KLF16: variants seen among roughly 807,000 people sequenced by gnomAD.
The protein encoded by KLF16 is KLF transcription factor 16, also known as Krueppel-like factor 16.
KLF16 carries 6 observed loss-of-function variants against 6.1 expected under a neutral mutation model. The observed-to-expected ratio is 0.98, with a 90% confidence interval of 0.54 to 1.93. KLF16 has a LOEUF of 1.93. Ranked by LOEUF, KLF16 falls within the 30% of genes most tolerant of loss-of-function variation. The probability of loss-of-function intolerance (pLI) is 0.01; values close to 1 mark genes in which losing one functional copy is unlikely to be tolerated. For synonymous variants in KLF16, 211 were observed against 176.5 expected (o/e 1.20, Z -1.55); for missense variants, 355 against 363.8 (o/e 0.98, Z 0.20).
At chr19:1,868,074 C>A (rs781535541), upstream of KLF16, among the ~76,000 whole-genome samples, 1 of 151,754 alleles carries the variant, frequency 6.6e-6, no homozygotes, top group African/African-American at 2.4e-5. Flanking sequence ...TTTTTTTTTA[C>A]CATGTGTATT....
chr19:1,862,666 A>C lies in KLF16; in HGVS notation c.457+375T>G, dbSNP rs2012090627. 2.4e-5 allele frequency: 5 copies of C among 204,728 alleles called. No homozygotes were observed. The South Asian group carries it at 8.6e-4, about 35-fold the overall frequency. 12.7% of individuals were successfully genotyped at this position (204,728 alleles called of 1,614,324 possible). On this transcript the variant is annotated intron_variant, in intron 1 of 1. Transcript: ENST00000250916. Reference sequence around the variant, plus strand: ...GGGGAGGGGGAGAACCCAGAACCCCAGAGCCGGATGCTCCAACCACGGTGC... The same window carrying C: ...GGGGAGGGGGAGAACCCAGAACCCCCGAGCCGGATGCTCCAACCACGGTGC...
chr19:1,864,053 C>T (rs1300651072), upstream of KLF16, among the ~76,000 whole-genome samples: 1 of 149,414 alleles, frequency 6.7e-6, no homozygotes, highest in Non-Finnish European at 1.5e-5. Flanking sequence ...GCGCGCCCCG[C>T]CCCATCCCGG....
In KLF16 at chr19:1,853,403, GAGA is replaced by G. The variant is rs1253689087; in HGVS notation, c.*1053_*1055del. 3 of 152,500 alleles carry G rather than the reference GAGA, an allele frequency of 2.0e-5. No individual in the cohort carries two copies. Among genetic ancestry groups the G allele is most frequent in the African/African-American group, 2.4e-5 (1 of 41,444 alleles). 9.4% of individuals were successfully genotyped at this position (152,500 alleles called of 1,614,324 possible). A position where few individuals can be genotyped will look rare whatever the true frequency, so the allele number is the denominator to read the frequency against. ...GGACCCACCTCTTCCAAGCACCCAG[GAGA>G]AGGAGGGGAGGCCAGGGAAGCAGGG... is the stretch of plus-strand genomic sequence containing the variant. On this transcript the variant is annotated 3_prime_UTR_variant, in exon 2 of 2. Transcript: ENST00000250916.
At chr19:1,868,072 T>C (rs2012216411), upstream of KLF16, among the ~76,000 whole-genome samples, 1 of 152,192 alleles carries the variant, frequency 6.6e-6, no homozygotes, top group Non-Finnish European at 1.5e-5. Flanking sequence ...CATTTTTTTT[T>C]ACCATGTGTA....
chr19:1,856,326 C>T (rs914893828), intron 1 of KLF16, among the ~76,000 whole-genome samples: 8 of 152,164 alleles, frequency 5.3e-5, no homozygotes, highest in Admixed American at 2.6e-4. Context: ...AGCGATCACC[C>T]GTGACCCAAG....
Position 1,863,124 on chromosome 19 carries a change from T to G in KLF16, c.374A>C (p.Lys125Thr). The G allele has an allele frequency of 7.4e-7, 1 of 1,346,506 alleles. No individual in the cohort carries two copies. The highest frequency in any genetic ancestry group is 9.7e-7 in the Non-Finnish European group (1 of 1,030,352). The allele number at this position is 1,346,506 out of a possible 1,614,324, so 83.4% of individuals were successfully genotyped here. A position where few individuals can be genotyped will look rare whatever the true frequency, so the allele number is the denominator to read the frequency against. ...GTCCGGGAAGGGACAGCGGTGGCTC[T>G]TGGCGGCGGCGGAGGGCGCGGCGCC... ...APGAAPSAAA[K>T]SHRCPFPDCA... Residue 125 changes from lysine (K) to threonine (T), a missense_variant, in exon 1 of 2, where the codon AAG (lysine) becomes ACG (threonine). Lys to Thr is a moderately conservative substitution (Grantham distance 78). Transcript: ENST00000250916.
intron 1 of KLF16, chr19:1,860,449 G>C (rs1484408429): frequency 6.6e-6 from 1 of 152,332 alleles, no homozygotes; most frequent in Non-Finnish European, 1.5e-5. Context: ...TCACAGGTGG[G>C]GCTCCTCCAG....
chr19:1,856,735 G>A (rs904911972), intron 1 of KLF16, among the ~76,000 whole-genome samples: 1 of 152,230 alleles, frequency 6.6e-6, no homozygotes, highest in African/African-American at 2.4e-5. Flanking sequence ...AGCGCGGCTG[G>A]AGCAGACCAC....
Position 1,852,714 on chromosome 19 carries a change from T to G in KLF16, c.*1745A>C, listed in dbSNP as rs2011860066. ...CTCACAAAGGAAAACGGGGCCCCAG[T>G]CCCCCACCCACCCCCACAGACTAAG... On this transcript the variant is annotated 3_prime_UTR_variant, in exon 2 of 2. Coordinates refer to ENST00000250916, the MANE Select transcript of KLF16 (RefSeq NM_031918.4). 1 of 150,054 alleles carries G rather than the reference T, an allele frequency of 6.7e-6. No individual in the cohort carries two copies. Among genetic ancestry groups the G allele is most frequent in the African/African-American group, 2.5e-5 (1 of 40,384 alleles). The allele number at this position is 150,054 out of a possible 1,614,324, so 9.3% of individuals were successfully genotyped here.
chr19:1,863,745 C>G (rs1471408105), upstream of KLF16, among the ~76,000 whole-genome samples: 1 of 142,660 alleles, frequency 7.0e-6, no homozygotes, highest in Non-Finnish European at 1.6e-5. Context: ...CGCAGCCACG[C>G]CCCCCGCCCG....
chr19:1,866,432 G>T (rs529288926), upstream of KLF16, among the ~76,000 whole-genome samples: 2 of 151,516 alleles, frequency 1.3e-5, no homozygotes, highest in African/African-American at 2.4e-5. Context: ...CCAATATGAA[G>T]AAACCCCGTC....
chr19:1,852,943 C>G lies in KLF16; in HGVS notation c.*1516G>C, dbSNP rs2011864989. On this transcript the variant is annotated 3_prime_UTR_variant, in exon 2 of 2. Transcript: ENST00000250916. Reference sequence around the variant, plus strand: ...GTGCACACCAGTGCCATCCAAAGCCCCCCTGTCCCCAAGCGAGAGGCAGGA... The same window carrying G: ...GTGCACACCAGTGCCATCCAAAGCCGCCCTGTCCCCAAGCGAGAGGCAGGA... 1 of 152,198 alleles carries G rather than the reference C, an allele frequency of 6.6e-6. No individual in the cohort carries two copies. Among genetic ancestry groups the G allele is most frequent in the Admixed American group, 6.5e-5 (1 of 15,278 alleles). The allele number at this position is 152,198 out of a possible 1,614,324, so 9.4% of individuals were successfully genotyped here. A position where few individuals can be genotyped will look rare whatever the true frequency, so the allele number is the denominator to read the frequency against.
the KLF16 span, among the ~76,000 whole-genome samples, chr19:1,873,396 A>T: frequency 3.8e-4 from 58 of 152,130 alleles, no homozygotes; most frequent in African/African-American, 1.1e-3. Flanking sequence ...TGCCACACCC[A>T]CAGCCATGCT....
At chr19:1,873,344 T>G in the KLF16 span, among the ~76,000 whole-genome samples, 1 of 152,278 alleles carries the variant, frequency 6.6e-6, no homozygotes, top group African/African-American at 2.4e-5. Flanking sequence ...GCCCCAGACC[T>G]GACCCACTGG....
upstream of KLF16, among the ~76,000 whole-genome samples, chr19:1,866,262 C>G (rs1051125436): frequency 6.7e-6 from 1 of 150,136 alleles, no homozygotes; most frequent in African/African-American, 2.5e-5. Flanking sequence ...GAGTTGAGAT[C>G]GAACATTGTA....
chr19:1,873,998 C>G, the KLF16 span, among the ~76,000 whole-genome samples: 3 of 152,248 alleles, frequency 2.0e-5, no homozygotes, highest in Admixed American at 1.3e-4. Flanking sequence ...CCGTGAATAT[C>G]CACAGCCCGC....
the KLF16 span, among the ~76,000 whole-genome samples, chr19:1,873,327 G>A: frequency 6.6e-6 from 1 of 152,192 alleles, no homozygotes; most frequent in African/African-American, 2.4e-5. Context: ...GCACAGCCCT[G>A]GGCACCGCCC....
At chr19:1,864,370 G>A (rs933027281), upstream of KLF16, among the ~76,000 whole-genome samples, 1 of 152,176 alleles carries the variant, frequency 6.6e-6, no homozygotes, top group Non-Finnish European at 1.5e-5. Context: ...CCCCCTCGCC[G>A]CTCACAGAGC....
intron 1 of KLF16, among the ~76,000 whole-genome samples, chr19:1,855,948 C>T (rs1174464089): frequency 6.6e-6 from 1 of 152,234 alleles, no homozygotes; most frequent in Non-Finnish European, 1.5e-5. Flanking sequence ...GGTTGGAGCC[C>T]TGAGTAGCAA....
Sources: allele counts gnomAD v4.1 joint callset (sites outside exome capture counted in the v4.1 genomes callset), GRCh38; gene constraint gnomAD v4.1.1; transcripts MANE v1.5; gene names NCBI Gene and HGNC (gene_info 2026-07-23, HGNC 2026-07-21).